TDRD9: variants seen among roughly 807,000 people sequenced by gnomAD.
TDRD9 encodes the protein ATP-dependent RNA helicase TDRD9.
In TDRD9, 124 loss-of-function variants were observed where a neutral mutation model predicts 172.6. The observed-to-expected ratio is 0.72, with a 90% confidence interval of 0.62 to 0.83. The LOEUF is 0.83. TDRD9 is among the 40% of genes least tolerant of loss of function. TDRD9 has a pLI of 0.00. For synonymous variants in TDRD9, 619 were observed against 617.1 expected (o/e 1.00, Z -0.05); for missense variants, 1,479 against 1,714.1 (o/e 0.86, Z 2.42).
In TDRD9 at chr14:103,995,753, A is replaced by G; in HGVS notation, c.1324A>G (p.Ile442Val). Residue 442 changes from isoleucine to valine, a missense_variant, in exon 12 of 36, where the codon ATT (isoleucine) becomes GTT (valine). Ile to Val is a conservative substitution (Grantham distance 29, BLOSUM62 3). Coordinates refer to ENST00000409874, the MANE Select transcript of TDRD9 (RefSeq NM_153046.3). ...TTTTTTCTTTGATGTTTAACAGATT[A>G]TTCTGTCCACCAATATTGCAGAGAG... is the stretch of plus-strand genomic sequence containing the variant. ...LSPVPGYRKI[I>V]LSTNIAESSV... is the part of the protein sequence containing the mutation. 6.2e-7 allele frequency: 1 copy of G among 1,604,814 alleles called. No individual in the cohort carries two copies. Among genetic ancestry groups the G allele is most frequent in the Non-Finnish European group, 8.5e-7 (1 of 1,176,354 alleles).
At chr14:103,977,321 C>G (rs1257761884) in intron 7 of TDRD9, among the ~76,000 whole-genome samples, 1 of 151,726 alleles carries the variant, frequency 6.6e-6, no homozygotes, top group Non-Finnish European at 1.5e-5. Flanking sequence ...GAAACCCCGT[C>G]TCTACTAAAA....
At chr14:104,007,278 A>C in intron 19 of TDRD9, 74 bp downstream of exon 19, 2 of 1,435,054 alleles carry the variant, frequency 1.4e-6, no homozygotes, top group Non-Finnish European at 1.9e-6. Flanking sequence ...TGGTACAGTC[A>C]TAGCGTGTGA....
chr14:103,954,204 A>G (rs1235775592), intron 1 of TDRD9, among the ~76,000 whole-genome samples: 1 of 152,232 alleles, frequency 6.6e-6, no homozygotes, highest in East Asian at 1.9e-4. Context: ...TTTCAAAATG[A>G]TACACATTAA....
chr14:103,948,789 T>C (rs1210546759), intron 1 of TDRD9, among the ~76,000 whole-genome samples: 1 of 149,814 alleles, frequency 6.7e-6, no homozygotes, highest in African/African-American at 2.5e-5. Context: ...GAGGATTGCA[T>C]GAGCCCAGAA....
intron 6 of TDRD9, among the ~76,000 whole-genome samples, chr14:103,971,511 C>A (rs2033032075): frequency 6.6e-6 from 1 of 151,760 alleles, no homozygotes; most frequent in Non-Finnish European, 1.5e-5. Flanking sequence ...GGGTTTTGCA[C>A]CAGGCTGGTC....
At chr14:104,009,934 T>G (rs193291510) in intron 20 of TDRD9, among the ~76,000 whole-genome samples, 3 of 151,226 alleles carry the variant, frequency 2.0e-5, no homozygotes, top group Non-Finnish European at 4.4e-5. Context: ...CGTAATTTGT[T>G]TTTTCTTTCT....
chr14:104,026,799 G>T lies in TDRD9; in HGVS notation c.3142G>T (p.Val1048Leu), dbSNP rs143470329. 6.2e-7 allele frequency: 1 copy of T among 1,614,006 alleles called. No individual in the cohort carries two copies. The highest frequency in any genetic ancestry group is 8.5e-7 in the Non-Finnish European group (1 of 1,179,892). The change falls in exon 28 of 36, where the codon GTG becomes TTG. Residue 1048 changes from valine (V) to leucine (L), a missense_variant. By Grantham distance (32) the Val-to-Leu change is conservative. Coordinates refer to ENST00000409874, the MANE Select transcript of TDRD9 (RefSeq NM_153046.3). ...TCTGGTGAGCGGCTGCACCCTCCTT[G>T]TGAAGGTCTTCTCTGTGGTGCACAG... ...ASLVSGCTLLVKVFSVVHSVL... is the reference protein window; with the variant it reads ...ASLVSGCTLLLKVFSVVHSVL...
chr14:104,048,689 G>A (rs982071345), intron 34 of TDRD9, among the ~76,000 whole-genome samples: 2 of 152,074 alleles, frequency 1.3e-5, no homozygotes, highest in Admixed American at 1.3e-4. Context: ...ATGTGTGGAG[G>A]GCCTGCTCCC....
chr14:103,954,419 C>CT (rs2032094446), intron 1 of TDRD9, among the ~76,000 whole-genome samples: 1 of 152,132 alleles, frequency 6.6e-6, no homozygotes, highest in South Asian at 2.1e-4. Context: ...TGGGCAAGGA[C>CT]TTTGTTTTGT....
At chr14:104,019,550 G>A (rs1363911145) in intron 23 of TDRD9, among the ~76,000 whole-genome samples, 1 of 152,010 alleles carries the variant, frequency 6.6e-6, no homozygotes. Flanking sequence ...CCAATTTTTT[G>A]GGGGAAGTAA....
At chr14:104,022,469 A>G (rs1044948345) in intron 24 of TDRD9, 139 bp downstream of exon 24, 27 of 882,614 alleles carry the variant, frequency 3.1e-5, no homozygotes, top group Non-Finnish European at 4.5e-5. Flanking sequence ...GGCTCACGCC[A>G]CTCATCCAGC....
intron 7 of TDRD9, among the ~76,000 whole-genome samples, chr14:103,983,255 G>A (rs890817457): frequency 2.8e-4 from 42 of 151,838 alleles, no homozygotes; most frequent in African/African-American, 9.7e-4. Flanking sequence ...TAGAGATGGG[G>A]TTTCACCATG....
At chr14:103,990,534 G>C (rs1188065590) in intron 8 of TDRD9, among the ~76,000 whole-genome samples, 1 of 152,148 alleles carries the variant, frequency 6.6e-6, no homozygotes, top group Non-Finnish European at 1.5e-5. Flanking sequence ...GTGTTTCCCT[G>C]TGTGTCTCTT....
chr14:103,938,412 GTGTATATA>G (rs1266389722), intron 1 of TDRD9, among the ~76,000 whole-genome samples: 16 of 73,044 alleles, frequency 2.2e-4, no homozygotes, highest in African/African-American at 9.3e-4. Flanking sequence ...GTGTGTGTGT[GTGTATATA>G]TATATATATA....
intron 33 of TDRD9, among the ~76,000 whole-genome samples, chr14:104,041,301 G>A (rs911524049): frequency 2.0e-5 from 3 of 152,216 alleles, no homozygotes; most frequent in African/African-American, 7.2e-5. Context: ...CAGGAAATCT[G>A]TGTGACTTTG....
chr14:103,943,192 A>G (rs1241440371), intron 1 of TDRD9, among the ~76,000 whole-genome samples: 2 of 151,890 alleles, frequency 1.3e-5, no homozygotes, highest in South Asian at 2.1e-4. Context: ...GTGCAGTGGC[A>G]TGATCACGGC....
At chr14:104,024,505 A>G (rs2035055040) in intron 24 of TDRD9, 64 bp from the exon 25 acceptor site, 10 of 837,886 alleles carry the variant, frequency 1.2e-5, no homozygotes, top group Non-Finnish European at 1.7e-5. Flanking sequence ...ATAATTTCAC[A>G]TATGTAAATG....
intron 6 of TDRD9, among the ~76,000 whole-genome samples, chr14:103,972,894 C>T (rs1239078387): frequency 1.3e-5 from 2 of 152,194 alleles, no homozygotes; most frequent in Non-Finnish European, 1.5e-5. Context: ...TTGGCTATTT[C>T]AGTCCTTTTT....
intron 22 of TDRD9, among the ~76,000 whole-genome samples, chr14:104,016,806 C>A (rs530934538): frequency 6.6e-6 from 1 of 152,140 alleles, no homozygotes; most frequent in Non-Finnish European, 1.5e-5. Context: ...GAAGTTCCTT[C>A]GTGTCATATC....
Sources: gnomAD v4.1 joint callset for allele counts (sites outside exome capture counted in the v4.1 genomes callset) on GRCh38, gnomAD v4.1.1 for gene constraint, MANE v1.5 for transcripts, NCBI Gene and HGNC (gene_info 2026-07-23, HGNC 2026-07-21) for gene names.